Variants in ROBO2 observed in about 807,000 individuals in gnomAD.
ROBO2 encodes the protein roundabout guidance receptor 2, also known as roundabout homolog 2.
ROBO2 carries 53 observed loss-of-function variants against 160.8 expected under a neutral mutation model. The observed-to-expected ratio is 0.33, with a 90% CI of 0.26 to 0.41. The LOEUF (loss-of-function observed/expected upper bound fraction) is 0.41, where lower values mean the gene tolerates loss of function less well. Ranked by LOEUF, ROBO2 falls within the 10% of genes least tolerant of loss-of-function variation. The pLI is 1.00. For synonymous variants in ROBO2, 664 were observed against 611.7 expected (o/e 1.09, Z -1.26); for missense variants, 1,577 against 1,722.4 (o/e 0.92, Z 1.49).
chr3:77,624,826 A>G (rs2094975183), intron 23 of ROBO2, among the ~76,000 whole-genome samples: 1 of 152,184 alleles, frequency 6.6e-6, no homozygotes, highest in African/African-American at 2.4e-5. Context: ...CAGTTACAGG[A>G]GGCAGCATGG....
At chr3:77,611,237 G>A (rs967787317) in intron 21 of ROBO2, among the ~76,000 whole-genome samples, 3 of 150,940 alleles carry the variant, frequency 2.0e-5, no homozygotes, top group East Asian at 2.0e-4. Flanking sequence ...GGCGGAATTC[G>A]CAGTGAGCCG....
intron 2 of ROBO2, among the ~76,000 whole-genome samples, chr3:76,411,578 C>A (rs2075486601): frequency 1.3e-5 from 2 of 151,972 alleles, no homozygotes; most frequent in Admixed American, 6.6e-5. Context: ...AGACAAAATG[C>A]CTTGCTATAG....
intron 2 of ROBO2, among the ~76,000 whole-genome samples, chr3:76,429,173 C>A (rs542121649): frequency 4.8e-4 from 73 of 151,406 alleles, no homozygotes; most frequent in Non-Finnish European, 2.9e-4. Flanking sequence ...GGCGCACACA[C>A]ACACACACAC....
In ROBO2 at chr3:76,567,161, G is replaced by A. The variant is rs75463059; in HGVS notation, c.110-530853G>A. Among the ~76,000 whole-genome samples, 572 of 152,156 alleles carry A rather than the reference G, an allele frequency of 3.8e-3. 6 individuals are homozygous for A. The highest frequency in any genetic ancestry group is 0.013 in the African/African-American group (550 of 41,514). ...GACGTGAGATAAGGAAAAGGCAAAA[G>A]TCCACCATTTTAAAAAGGAGGAAAA... On this transcript the variant is annotated intron_variant, in intron 2 of 26. Coordinates refer to the ROBO2 transcript ENST00000487694.
chr3:77,460,944 C>A (rs1304690749), intron 2 of ROBO2, among the ~76,000 whole-genome samples: 1 of 152,058 alleles, frequency 6.6e-6, no homozygotes, highest in Non-Finnish European at 1.5e-5. Context: ...GAGCCATCCG[C>A]TGTTGTATGG....
At chr3:76,186,909 T>A (rs1206258112) in intron 2 of ROBO2, among the ~76,000 whole-genome samples, 1 of 151,992 alleles carries the variant, frequency 6.6e-6, no homozygotes. Flanking sequence ...TGTTTGACAG[T>A]GAATCCTTAC....
At chr3:75,999,603 T>C (rs931323800) in intron 2 of ROBO2, among the ~76,000 whole-genome samples, 1 of 152,220 alleles carries the variant, frequency 6.6e-6, no homozygotes, top group Non-Finnish European at 1.5e-5. Flanking sequence ...GTGTGTGGCA[T>C]GTGCATGAAT....
intron 2 of ROBO2, among the ~76,000 whole-genome samples, chr3:76,936,482 T>A (rs2077708588): frequency 6.6e-6 from 1 of 151,892 alleles, no homozygotes; most frequent in Non-Finnish European, 1.5e-5. Context: ...TAAATGAAAA[T>A]GTAAGGGTGG....
intron 2 of ROBO2, among the ~76,000 whole-genome samples, chr3:76,140,403 C>A (rs1034905554): frequency 1.3e-5 from 2 of 151,926 alleles, no homozygotes; most frequent in Non-Finnish European, 1.5e-5. Flanking sequence ...AGCACTATTT[C>A]ATTTGCCTTA....
chr3:76,067,062 T>C (rs900390713), intron 2 of ROBO2, among the ~76,000 whole-genome samples: 1 of 152,144 alleles, frequency 6.6e-6, no homozygotes, highest in Non-Finnish European at 1.5e-5. Context: ...CCTGAGGTTG[T>C]ATGGCTGACC....
At chr3:76,992,632 A>G (rs756077973) in intron 2 of ROBO2, among the ~76,000 whole-genome samples, 1 of 151,576 alleles carries the variant, frequency 6.6e-6, no homozygotes, top group Non-Finnish European at 1.5e-5. Context: ...ATTTTTTCCT[A>G]AAAATAAGAA....
Position 75,957,577 on chromosome 3 carries a change from G to T in ROBO2, c.109+19975G>T, listed in dbSNP as rs548766982. Among the ~76,000 whole-genome samples the T allele has an allele frequency of 3.3e-4, 49 of 150,514 alleles. 1 individual carries two copies. The highest frequency in any genetic ancestry group is 6.8e-4 in the Non-Finnish European group (46 of 67,556). On this transcript the variant is annotated intron_variant, in intron 2 of 26. Transcript: ENST00000487694. The stretch of plus-strand genomic sequence containing the variant: ...GACATTTAGTGTTTTTTACTTTACA[G>T]TTCTAAGTTACTTATGCTTAAAAAG...
intron 2 of ROBO2, among the ~76,000 whole-genome samples, chr3:76,731,758 T>TAACA (rs916258709): frequency 1.3e-5 from 2 of 152,208 alleles, no homozygotes; most frequent in African/African-American, 4.8e-5. Context: ...CAATTCTCTC[T>TAACA]AACACTTTGT....
intron 2 of ROBO2, among the ~76,000 whole-genome samples, chr3:76,837,293 T>C (rs2067788699): frequency 6.6e-6 from 1 of 151,872 alleles, no homozygotes; most frequent in South Asian, 2.1e-4. Flanking sequence ...ATAATGCACA[T>C]ACTAAAAACC....
intron 2 of ROBO2, among the ~76,000 whole-genome samples, chr3:77,287,185 C>A (rs17771441): frequency 6.6e-6 from 1 of 152,028 alleles, no homozygotes; most frequent in South Asian, 2.1e-4. Context: ...TGCACACTTA[C>A]TAACACATTC....
intron 2 of ROBO2, among the ~76,000 whole-genome samples, chr3:77,436,188 T>C (rs901681690): frequency 2.0e-5 from 3 of 151,716 alleles, no homozygotes; most frequent in South Asian, 4.1e-4. Flanking sequence ...AAATCAGATA[T>C]ATTGGGCTGA....
chr3:76,893,755 T>C (rs532860670), intron 2 of ROBO2, among the ~76,000 whole-genome samples: 2 of 152,188 alleles, frequency 1.3e-5, no homozygotes, highest in South Asian at 2.1e-4. Context: ...TGTGGAATGA[T>C]AGAACTTATA....
intron 2 of ROBO2, among the ~76,000 whole-genome samples, chr3:77,106,612 C>T (rs960338276): frequency 2.0e-5 from 3 of 151,996 alleles, no homozygotes; most frequent in Non-Finnish European, 4.4e-5. Context: ...GAAGTAAAAA[C>T]AATAGGTGAA....
At chr3:76,888,541 G>A (rs1265656867) in intron 2 of ROBO2, among the ~76,000 whole-genome samples, 1 of 152,090 alleles carries the variant, frequency 6.6e-6, no homozygotes, top group African/African-American at 2.4e-5. Flanking sequence ...ATATGAATAG[G>A]AATTAAAGTT....
Sources: gnomAD v4.1 joint callset for allele counts (sites outside exome capture counted in the v4.1 genomes callset) on GRCh38, gnomAD v4.1.1 for gene constraint, MANE v1.5 for transcripts, NCBI Gene and HGNC (gene_info 2026-07-23, HGNC 2026-07-21) for gene names.